Variants in TRAM2 observed in about 807,000 individuals in gnomAD.
TRAM2 encodes the protein translocation associated membrane protein 2.
A neutral mutation model predicts 51.0 loss-of-function variants in TRAM2; 12 were observed. That is an observed-to-expected ratio of 0.24 (90% CI 0.15 to 0.38). The LOEUF (loss-of-function observed/expected upper bound fraction) is 0.38. Ranked by LOEUF, TRAM2 falls within the 10% of genes least tolerant of loss-of-function variation. The pLI, the probability that TRAM2 is intolerant of heterozygous loss-of-function variation, is 1.00. For missense variants in TRAM2, 361 were observed against 462.0 expected, an observed-to-expected ratio of 0.78 and a Z score of 2.00; for synonymous variants, 175 against 179.4, an observed-to-expected ratio of 0.98 and a Z score of 0.20.
chr6:52,535,677 G>A (rs1022900790), intron 2 of TRAM2, 106 bp downstream of exon 2: 39 of 985,042 alleles, frequency 4.0e-5, no homozygotes, highest in Middle Eastern at 2.3e-4. Flanking sequence ...CAGAGACTCC[G>A]TCATGGGGGA....
intron 10 of TRAM2, among the ~76,000 whole-genome samples, chr6:52,504,110 C>T (rs1436493425): frequency 6.6e-6 from 1 of 152,222 alleles, no homozygotes; most frequent in African/African-American, 2.4e-5. Context: ...AAGTGTCCCA[C>T]CCCTACCCCC....
At chr6:52,565,096 T>C (rs1360206482) in intron 1 of TRAM2, among the ~76,000 whole-genome samples, 1 of 151,986 alleles carries the variant, frequency 6.6e-6, no homozygotes, top group Non-Finnish European at 1.5e-5. Context: ...GATCAGATTG[T>C]GGGGAAGCTT....
chr6:52,537,346 CT>C (rs545148848), intron 1 of TRAM2, among the ~76,000 whole-genome samples: 13 of 152,216 alleles, frequency 8.5e-5, no homozygotes, highest in Admixed American at 5.2e-4. Context: ...TGTTCTCGAC[CT>C]ACCTTCCTGT....
At chr6:52,528,976 C>T (rs76209280) in intron 2 of TRAM2, among the ~76,000 whole-genome samples, 34,621 of 151,354 alleles carry the variant, frequency 0.23, 4,231 homozygotes, top group East Asian at 0.52. Context: ...CTGCAACCTC[C>T]GCCTCCTGGG....
At position 52,560,056 on chromosome 6, in the gene TRAM2, T is replaced by C. The variant is rs562594603; in HGVS notation, c.120+16740A>G. Among the ~76,000 whole-genome samples the C allele has an allele frequency of 1.0e-3, 152 of 152,054 alleles. 1 individual carries two copies. Among genetic ancestry groups the C allele is most frequent in the African/African-American group, 3.6e-3 (148 of 41,478 alleles). On this transcript the variant is annotated intron_variant, in intron 1 of 10. Coordinates refer to ENST00000182527, the MANE Select transcript of TRAM2 (RefSeq NM_012288.4). ...AGGAGTTCCAGACCAGCCTGGCCAA[T>C]GTGGTGAAACCCCGTCTCTATTAAA...
chr6:52,515,496 A>G (rs1766531002), intron 4 of TRAM2, among the ~76,000 whole-genome samples: 1 of 152,252 alleles, frequency 6.6e-6, no homozygotes. Flanking sequence ...GGCCTCGTTT[A>G]TAGAAGGCCA....
At chr6:52,545,997 A>G (rs1767192500) in intron 1 of TRAM2, among the ~76,000 whole-genome samples, 1 of 152,168 alleles carries the variant, frequency 6.6e-6, no homozygotes, top group Non-Finnish European at 1.5e-5. Context: ...AGTCATTTAC[A>G]ACACAACAGA....
intron 1 of TRAM2, among the ~76,000 whole-genome samples, chr6:52,536,358 T>A (rs971605043): frequency 6.6e-6 from 1 of 152,220 alleles, no homozygotes; most frequent in Non-Finnish European, 1.5e-5. Flanking sequence ...TCTACCTTAC[T>A]GGGAGGCATG....
intron 1 of TRAM2, among the ~76,000 whole-genome samples, chr6:52,550,013 T>C (rs1290913768): frequency 1.3e-5 from 2 of 152,170 alleles, no homozygotes; most frequent in Non-Finnish European, 2.9e-5. Flanking sequence ...GAAGGCAGAA[T>C]AGCATCTGTA....
Position 52,534,920 on chromosome 6 carries a change from G to C in TRAM2, c.184+863C>G, listed in dbSNP as rs1156512291. ...TGGTACCTGGCATGATGCTGGCTGG[G>C]CTCCCTGTAAGTGCTTGGAAATGCT... On this transcript the variant is annotated intron_variant, in intron 2 of 10. Transcript: ENST00000182527. Among the ~76,000 whole-genome samples, 4 of 152,178 alleles carry C rather than the reference G, an allele frequency of 2.6e-5. No individual in the cohort carries two copies. The East Asian group carries it at 7.7e-4, about 29-fold the overall frequency.
intron 1 of TRAM2, among the ~76,000 whole-genome samples, chr6:52,552,253 G>C (rs553902015): frequency 6.6e-6 from 1 of 152,342 alleles, no homozygotes; most frequent in South Asian, 2.1e-4. Context: ...ATGCAGAGAG[G>C]ACAGCCCTGG....
intron 1 of TRAM2, among the ~76,000 whole-genome samples, chr6:52,569,822 T>C (rs1294527088): frequency 1.3e-5 from 2 of 152,032 alleles, no homozygotes; most frequent in Non-Finnish European, 2.9e-5. Flanking sequence ...AAGCACTCAA[T>C]AAAAAGCTGC....
At chr6:52,512,883 C>A (rs187770319) in intron 4 of TRAM2, among the ~76,000 whole-genome samples, 126 of 152,322 alleles carry the variant, frequency 8.3e-4, no homozygotes, top group African/African-American at 2.9e-3. Flanking sequence ...TTAGTAGAAA[C>A]CGGTCCTGGT....
At chr6:52,561,814 C>G (rs891286128) in intron 1 of TRAM2, among the ~76,000 whole-genome samples, 4 of 151,920 alleles carry the variant, frequency 2.6e-5, no homozygotes, top group Admixed American at 6.5e-5. Context: ...CACTGTTTTG[C>G]CCAGGCTGGT....
chr6:52,536,896 C>G (rs1766984744), intron 1 of TRAM2, among the ~76,000 whole-genome samples: 2 of 152,144 alleles, frequency 1.3e-5, no homozygotes, highest in Non-Finnish European at 2.9e-5. Flanking sequence ...TGGTTCTTCT[C>G]TAACAGAGGT....
chr6:52,516,385 T>C (rs929769328), intron 3 of TRAM2: 9 of 595,480 alleles, frequency 1.5e-5, no homozygotes, highest in Non-Finnish European at 2.4e-5. Flanking sequence ...CCCAGACCCA[T>C]AAGGACACCA....
intron 2 of TRAM2, among the ~76,000 whole-genome samples, chr6:52,529,263 C>T (rs575245214): frequency 6.6e-6 from 1 of 152,288 alleles, no homozygotes; most frequent in South Asian, 2.1e-4. Flanking sequence ...TGATACTCCC[C>T]ACCTCCCCCC....
chr6:52,563,537 G>T (rs1432931620), intron 1 of TRAM2, among the ~76,000 whole-genome samples: 1 of 151,882 alleles, frequency 6.6e-6, no homozygotes, highest in Non-Finnish European at 1.5e-5. Flanking sequence ...GGCTAACACG[G>T]TGAAACCCCG....
At chr6:52,543,192 T>G (rs775292847) in intron 1 of TRAM2, among the ~76,000 whole-genome samples, 3 of 152,220 alleles carry the variant, frequency 2.0e-5, no homozygotes, top group Non-Finnish European at 4.4e-5. Flanking sequence ...AAGCACTGAC[T>G]AGGTATTTCT....
Sources: gnomAD v4.1 joint callset for allele counts (sites outside exome capture counted in the v4.1 genomes callset) on GRCh38, gnomAD v4.1.1 for gene constraint, MANE v1.5 for transcripts, NCBI Gene and HGNC (gene_info 2026-07-23, HGNC 2026-07-21) for gene names.